Variants in COL12A1 observed in about 807,000 individuals in gnomAD.
The protein encoded by COL12A1 is collagen alpha-1(XII) chain.
In COL12A1, 114 loss-of-function variants were observed where a neutral mutation model predicts 349.7. The ratio of observed to expected loss-of-function variants is 0.33; its 90% CI spans 0.28 to 0.38. The LOEUF (loss-of-function observed/expected upper bound fraction) is 0.38. COL12A1 is among the 10% of genes least tolerant of loss of function. The pLI is 1.00. For synonymous variants in COL12A1, 1,369 were observed against 1,329.0 expected, an observed-to-expected ratio of 1.03 and a Z score of -0.66; for missense variants, 3,284 against 3,756.9, an observed-to-expected ratio of 0.87 and a Z score of 3.29.
intron 28 of COL12A1, 25 bp downstream of exon 28, chr6:75,138,797 G>C: frequency 6.2e-7 from 1 of 1,612,596 alleles, no homozygotes; most frequent in Non-Finnish European, 8.5e-7. Context: ...GAAAGACAGA[G>C]AGAAAGATAA....
At chr6:75,097,374 C>T (rs550955309) in intron 58 of COL12A1, 68 bp from the exon 59 acceptor site, 3 of 1,331,636 alleles carry the variant, frequency 2.3e-6, no homozygotes, top group South Asian at 2.5e-5. Context: ...AGATGCTAAA[C>T]AGGTTGCTAA....
At chr6:75,166,685 A>G (rs1271880457) in intron 13 of COL12A1, among the ~76,000 whole-genome samples, 1 of 152,144 alleles carries the variant, frequency 6.6e-6, no homozygotes, top group East Asian at 1.9e-4. Context: ...CCCAGCATAC[A>G]TTTTACCAGT....
In COL12A1 at chr6:75,126,277, G is replaced by A. The variant is rs79956561; in HGVS notation, c.6460+74C>T. 0.021 allele frequency: 31,538 copies of A among 1,507,880 alleles called. 613 individuals carry two copies. The highest frequency in any genetic ancestry group is 0.1 in the African/African-American group (7,499 of 72,496). The allele number at this position is 1,507,880 out of a possible 1,614,324, so 93.4% of individuals were successfully genotyped here. On this transcript the variant is annotated intron_variant, in intron 39 of 65. Coordinates refer to ENST00000322507, the MANE Select transcript of COL12A1 (RefSeq NM_004370.6). Reference sequence around the variant, plus strand: ...CTCTCAGGAGAACCCAACAGTGGGGGATGAAAGAGAAAATACCCTCATATG... The same window carrying A: ...CTCTCAGGAGAACCCAACAGTGGGGAATGAAAGAGAAAATACCCTCATATG...
At chr6:75,093,751 A>G (rs2149331835) in intron 60 of COL12A1, among the ~76,000 whole-genome samples, 1 of 152,046 alleles carries the variant, frequency 6.6e-6, no homozygotes, top group Admixed American at 6.5e-5. Flanking sequence ...ATTTATTGGC[A>G]CTCTGAGATT....
Position 75,177,530 on chromosome 6 carries a change from A to G in COL12A1, c.2437+133T>C, listed in dbSNP as rs887669100. The G allele has an allele frequency of 4.6e-5, 47 of 1,019,062 alleles. 1 individual carries two copies. The South Asian group carries it at 6.2e-4, about 13-fold the overall frequency. The allele number at this position is 1,019,062 out of a possible 1,614,324, so 63.1% of individuals were successfully genotyped here. On this transcript the variant is annotated intron_variant, in intron 12 of 65. Coordinates refer to ENST00000322507, the MANE Select transcript of COL12A1 (RefSeq NM_004370.6). ...AAAAAAATTTTAACTTAAATCTAAAAGGACTATGGTCTAACATACTCAAAC... is the reference window on the plus strand; with the variant it reads ...AAAAAAATTTTAACTTAAATCTAAAGGGACTATGGTCTAACATACTCAAAC...
At chr6:75,186,032 A>T (rs777119213) in intron 8 of COL12A1, among the ~76,000 whole-genome samples, 1 of 152,218 alleles carries the variant, frequency 6.6e-6, no homozygotes, top group Non-Finnish European at 1.5e-5. Flanking sequence ...CAACCTAGGC[A>T]ATACCATTCA....
rs1414727222 is a variant in COL12A1 at position 75,132,147 on chromosome 6, CT to C, written c.5795-66del. The C allele has an allele frequency of 3.2e-5, 50 of 1,562,484 alleles. No homozygotes were observed. The African/African-American group carries it at 6.0e-4, about 19-fold the overall frequency. On this transcript the variant is annotated intron_variant, in intron 34 of 65. Coordinates refer to ENST00000322507, the MANE Select transcript of COL12A1 (RefSeq NM_004370.6). ...TTATATATCTCAAGCTTTTGTATCACTTTTCCAGAACCTACATTCTGTAACA... is the reference window on the plus strand; with the variant it reads ...TTATATATCTCAAGCTTTTGTATCACTTTCCAGAACCTACATTCTGTAACA...
At position 75,156,462 on chromosome 6, in the gene COL12A1, T is replaced by C; in HGVS notation, c.3045A>G (p.Thr1015=). 1.2e-6 allele frequency: 2 copies of C among 1,613,916 alleles called. No individual in the cohort carries two copies. Among genetic ancestry groups the C allele is most frequent in the South Asian group, 1.1e-5 (1 of 91,080 alleles). Residue 1015 remains threonine (T), a synonymous_variant, in exon 15 of 66, where the codon ACA becomes ACG. Coordinates refer to ENST00000322507, the MANE Select transcript of COL12A1 (RefSeq NM_004370.6). ...DEETENTMRV[T]WKPAPGKVVN... ...CGACTTTCCCTGGTGCTGGTTTCCATGTAACTCTCATTGTGTTTTCTGTTT... is the reference window on the plus strand; with the variant it reads ...CGACTTTCCCTGGTGCTGGTTTCCACGTAACTCTCATTGTGTTTTCTGTTT...
intron 8 of COL12A1, among the ~76,000 whole-genome samples, chr6:75,186,480 G>A (rs1270025614): frequency 6.6e-6 from 1 of 152,192 alleles, no homozygotes. Flanking sequence ...AAATGCTGGT[G>A]AGGTAGTGGA....
chr6:75,186,833 TAGAGGCCATTATCCTTAGCAAACTAACAC>T (rs2149471655), intron 8 of COL12A1, among the ~76,000 whole-genome samples: 1 of 152,216 alleles, frequency 6.6e-6, no homozygotes, highest in South Asian at 2.1e-4. Flanking sequence ...ATGATAGAGC[TAGAGGCCATTATCCTTAGCAAACTAACAC>T]AGGAACAGAA....
chr6:75,125,305 C>T (rs771087130), intron 39 of COL12A1, 32 bp from the exon 40 acceptor site: 3 of 1,557,810 alleles, frequency 1.9e-6, no homozygotes, highest in Non-Finnish European at 2.6e-6. Flanking sequence ...TACACAGAAA[C>T]ATGCCATCAA....
chr6:75,163,482 G>T (rs770140808), intron 14 of COL12A1, among the ~76,000 whole-genome samples: 1 of 152,082 alleles, frequency 6.6e-6, no homozygotes, highest in Non-Finnish European at 1.5e-5. Context: ...TGGACACAGG[G>T]AGGGGAACCT....
chr6:75,168,559 A>T (rs1042043700), intron 13 of COL12A1, among the ~76,000 whole-genome samples: 11 of 152,310 alleles, frequency 7.2e-5, no homozygotes, highest in Non-Finnish European at 1.2e-4. Context: ...TGAACCGATA[A>T]ACAGAATTGC....
chr6:75,100,706 A>C (rs1434379262), intron 58 of COL12A1, among the ~76,000 whole-genome samples: 1 of 152,082 alleles, frequency 6.6e-6, no homozygotes, highest in African/African-American at 2.4e-5. Context: ...TGAATGGCCT[A>C]CCTCTCTGCC....
rs776273759 is a variant in COL12A1, at chr6:75,085,206, T to C, written c.*1341A>G. The C allele has an allele frequency of 2.1e-6, 1 of 468,064 alleles. No homozygotes were observed. Among genetic ancestry groups the C allele is most frequent in the South Asian group, 1.6e-5 (1 of 64,454 alleles). 29.0% of individuals were successfully genotyped at this position (468,064 alleles called of 1,614,324 possible). A position where few individuals can be genotyped will look rare whatever the true frequency, so the allele number is the denominator to read the frequency against. ...ATCTCTGGTTCACTGCCCGGGTCCG[T>C]GGGGCAGGGCGCGCCGCCAGCGCCG... On this transcript the variant is annotated 3_prime_UTR_variant, in exon 66 of 66. Coordinates refer to ENST00000322507, the MANE Select transcript of COL12A1 (RefSeq NM_004370.6).
At chr6:75,189,531 A>C in intron 6 of COL12A1, 21 bp downstream of exon 6, 1 of 1,595,578 alleles carries the variant, frequency 6.3e-7, no homozygotes, top group Non-Finnish European at 8.5e-7. Flanking sequence ...TTTTAACTTT[A>C]AAAAAATCTG....
At chr6:75,151,640 A>G (rs1482404424) in intron 20 of COL12A1, among the ~76,000 whole-genome samples, 1 of 152,132 alleles carries the variant, frequency 6.6e-6, no homozygotes, top group African/African-American at 2.4e-5. Flanking sequence ...TATTAATACC[A>G]CATTTTTCTT....
rs774849454 is a variant in COL12A1, at chr6:75,154,387, T to C, written c.3565+29A>G. 7 of 1,603,500 alleles carry C rather than the reference T, an allele frequency of 4.4e-6. No individual in the cohort carries two copies. The African/African-American group carries it at 6.7e-5, about 15-fold the overall frequency. On this transcript the variant is annotated intron_variant, in intron 17 of 65. Coordinates refer to ENST00000322507, the MANE Select transcript of COL12A1 (RefSeq NM_004370.6). ...TTTGAAATAGTTTCCTAAGTTGTTTTCCTCAAGGAATGTAACTCAATTTCT... is the reference window on the plus strand; with the variant it reads ...TTTGAAATAGTTTCCTAAGTTGTTTCCCTCAAGGAATGTAACTCAATTTCT...
At chr6:75,118,370 T>C (rs979257141) in intron 46 of COL12A1, among the ~76,000 whole-genome samples, 7 of 152,230 alleles carry the variant, frequency 4.6e-5, no homozygotes, top group African/African-American at 1.7e-4. Context: ...ACAAGTTCCA[T>C]GTAATTACTT....
Sources: allele counts gnomAD v4.1 joint callset (sites outside exome capture counted in the v4.1 genomes callset), GRCh38; gene constraint gnomAD v4.1.1; transcripts MANE v1.5; gene names NCBI Gene and HGNC (gene_info 2026-07-23, HGNC 2026-07-21).